Variants in PRPH2 observed in about 807,000 individuals in gnomAD.
PRPH2 encodes peripherin-2.
In PRPH2, 17 loss-of-function variants were observed where a neutral mutation model predicts 31.3. The observed-to-expected ratio is 0.54, with a 90% CI of 0.37 to 0.81. PRPH2 has a LOEUF of 0.81. Ranked by LOEUF, PRPH2 falls within the 40% of genes least tolerant of loss-of-function variation. The probability of loss-of-function intolerance (pLI) is 0.00; values close to 1 mark genes in which losing one functional copy is unlikely to be tolerated. For missense variants in PRPH2, 430 were observed against 439.7 expected, an observed-to-expected ratio of 0.98 and a Z score of 0.20; for synonymous variants, 165 against 184.4, an observed-to-expected ratio of 0.89 and a Z score of 0.85.
chr6:42,721,616 T>G (rs900932919), intron 1 of PRPH2, 138 bp downstream of exon 1: 10 of 1,009,926 alleles, frequency 9.9e-6, no homozygotes, highest in Non-Finnish European at 1.6e-5. Flanking sequence ...TGATACACCC[T>G]CACATACGCA....
chr6:42,721,854 T>G lies in PRPH2; in HGVS notation c.481A>C (p.Ile161Leu). 1 of 1,614,188 alleles carries G rather than the reference T, an allele frequency of 6.2e-7. No individual in the cohort carries two copies. Among genetic ancestry groups the G allele is most frequent in the Non-Finnish European group, 8.5e-7 (1 of 1,180,038 alleles). The change falls in exon 1 of 3, where the codon ATC becomes CTC. Residue 161 changes from isoleucine (I) to leucine (L), a missense_variant. Ile to Leu is a conservative substitution (Grantham distance 5, BLOSUM62 2). Coordinates refer to ENST00000230381, the MANE Select transcript of PRPH2 (RefSeq NM_000322.5). ...TTGTTGCCGCAGCATTTGAACTCGA[T>G]CTGCAGCATGTCGATGGTCTTCTTC... is the stretch of plus-strand genomic sequence containing the variant. The part of the protein sequence containing the change: ...FMKKTIDMLQ[I>L]EFKCCGNNGF...
At position 42,713,051 on chromosome 6, in the gene PRPH2, C is replaced by G. The variant is rs1329980186; in HGVS notation, c.582-8440G>C. Among the ~76,000 whole-genome samples the G allele has an allele frequency of 3.3e-5, 5 of 151,732 alleles. No individual in the cohort carries two copies. In the South Asian group the frequency reaches 1.0e-3, roughly 32 times the overall value. On this transcript the variant is annotated intron_variant, in intron 1 of 2. Coordinates refer to ENST00000230381, the MANE Select transcript of PRPH2 (RefSeq NM_000322.5). ...ACCAGCCTGGCCAACATGGTGAAAC[C>G]CTGTCTCTACTAAAAATATAAAAAT...
chr6:42,713,500 C>T (rs986381058), intron 1 of PRPH2, among the ~76,000 whole-genome samples: 3 of 152,166 alleles, frequency 2.0e-5, no homozygotes, highest in Non-Finnish European at 2.9e-5. Context: ...GGGGCCACCT[C>T]GTTATTATCT....
At chr6:42,721,704 G>A in intron 1 of PRPH2, 50 bp downstream of exon 1, 1 of 1,604,460 alleles carries the variant, frequency 6.2e-7, no homozygotes, top group Non-Finnish European at 8.5e-7. Context: ...CTGAGCCTCA[G>A]TGTCCCCAAT....
chr6:42,722,171 G>C lies in PRPH2; in HGVS notation c.164C>G (p.Ser55Cys). 6.2e-7 allele frequency: 1 copy of C among 1,614,142 alleles called. No homozygotes were observed. The highest frequency in any genetic ancestry group is 8.5e-7 in the Non-Finnish European group (1 of 1,180,022). The stretch of plus-strand genomic sequence containing the variant: ...TGAGTTGGGCACAAAATGGCTCTCA[G>C]AATTATTCATCACATCGCTCCTCTT... The part of the protein sequence containing the change: ...LRKRSDVMNN[S>C]ESHFVPNSLI... The change falls in exon 1 of 3, where the codon TCT becomes TGT. Residue 55 changes from serine (S) to cysteine (C), a missense_variant. Ser to Cys is a moderately radical substitution (Grantham distance 112). Coordinates refer to ENST00000230381, the MANE Select transcript of PRPH2 (RefSeq NM_000322.5). This position sits in a 1 kb window ranked among gnomAD's most constrained non-coding sequence, Gnocchi z 4.4.
At position 42,704,496 on chromosome 6, in the gene PRPH2, G is replaced by A; in HGVS notation, c.697C>T (p.His233Tyr). 1 of 1,614,182 alleles carries A rather than the reference G, an allele frequency of 6.2e-7. No individual in the cohort carries two copies. The highest frequency in any genetic ancestry group is 8.5e-7 in the Non-Finnish European group (1 of 1,180,032). ...IQYQITNNSA[H>Y]YSYDHQTEEL... ...TCCGTCTGGTGGTCGTAACTGTAGT[G>A]TGCTGAGTTGTTGGTGATCTGATAC... is the stretch of plus-strand genomic sequence containing the variant. The change falls in exon 2 of 3, where the codon CAC becomes TAC. Residue 233 changes from histidine (H) to tyrosine (Y), a missense_variant. Transcript: ENST00000230381.
chr6:42,713,094 G>A (rs1345720390), intron 1 of PRPH2, among the ~76,000 whole-genome samples: 1 of 151,788 alleles, frequency 6.6e-6, no homozygotes, highest in Non-Finnish European at 1.5e-5. Flanking sequence ...GTATGATGGT[G>A]GGCACCTGTA....
chr6:42,697,513 G>A lies in PRPH2; in HGVS notation c.*782C>T, dbSNP rs924352941. The A allele has an allele frequency of 6.6e-6, 1 of 152,400 alleles. No homozygotes were observed. Among genetic ancestry groups the A allele is most frequent in the Non-Finnish European group, 1.5e-5 (1 of 68,230 alleles). 9.4% of individuals were successfully genotyped at this position (152,400 alleles called of 1,614,324 possible). A position where few individuals can be genotyped will look rare whatever the true frequency, so the allele number is the denominator to read the frequency against. On this transcript the variant is annotated 3_prime_UTR_variant, in exon 3 of 3. Transcript: ENST00000230381. ...CTGCTTCCACCGATGAGCCACAGGA[G>A]ATCACCTGGCACTTTAGGGGTGGTG...
At chr6:42,699,900 A>AG (rs1192581086) in intron 2 of PRPH2, among the ~76,000 whole-genome samples, 1 of 152,054 alleles carries the variant, frequency 6.6e-6, no homozygotes, top group Non-Finnish European at 1.5e-5. Context: ...CCTAGTGCAC[A>AG]GTAAGGACCA....
At chr6:42,699,141 C>G (rs1280472675) in intron 2 of PRPH2, among the ~76,000 whole-genome samples, 1 of 151,042 alleles carries the variant, frequency 6.6e-6, no homozygotes, top group Non-Finnish European at 1.5e-5. Flanking sequence ...CAAACTCTAT[C>G]TCCTGTGTTC....
chr6:42,706,321 C>G (rs920830624), intron 1 of PRPH2, among the ~76,000 whole-genome samples: 5 of 151,842 alleles, frequency 3.3e-5, no homozygotes, highest in Non-Finnish European at 7.4e-5. Context: ...AGGAGAATGG[C>G]GTGAACCCAG....
intron 1 of PRPH2, among the ~76,000 whole-genome samples, chr6:42,718,203 C>T (rs906747371): frequency 2.0e-5 from 3 of 150,440 alleles, no homozygotes; most frequent in African/African-American, 4.9e-5. Flanking sequence ...CCCAGGTACT[C>T]GGGAGGCTGA....
chr6:42,715,036 C>T (rs1761748754), intron 1 of PRPH2, among the ~76,000 whole-genome samples: 1 of 151,826 alleles, frequency 6.6e-6, no homozygotes, highest in Admixed American at 6.6e-5. Flanking sequence ...TGGTGAAACC[C>T]CATCTTCACT....
At chr6:42,698,715 TCTC>T (rs371096327) in intron 2 of PRPH2, among the ~76,000 whole-genome samples, 174 of 152,092 alleles carry the variant, frequency 1.1e-3, no homozygotes, top group African/African-American at 4.0e-3. Context: ...GTCAGACCCC[TCTC>T]CTCCTCCCTT....
intron 1 of PRPH2, among the ~76,000 whole-genome samples, chr6:42,719,037 T>A (rs1474173652): frequency 6.6e-6 from 1 of 152,124 alleles, no homozygotes; most frequent in Non-Finnish European, 1.5e-5. Flanking sequence ...AAATTTAGCC[T>A]AAGGGAAATA....
chr6:42,710,712 C>T (rs1231890521), intron 1 of PRPH2, among the ~76,000 whole-genome samples: 2 of 152,158 alleles, frequency 1.3e-5, no homozygotes, highest in African/African-American at 2.4e-5. Flanking sequence ...AGGCCACTCT[C>T]CCATAAGCAA....
intron 2 of PRPH2, 91 bp downstream of exon 2, chr6:42,704,274 C>T (rs1800106139): frequency 1.6e-5 from 24 of 1,514,290 alleles, no homozygotes; most frequent in Admixed American, 1.2e-4. Context: ...AAGAGGGAGG[C>T]ATGCTCTCCA....
chr6:42,709,112 T>C (rs1800227035), intron 1 of PRPH2, among the ~76,000 whole-genome samples: 2 of 151,502 alleles, frequency 1.3e-5, no homozygotes, highest in East Asian at 1.9e-4. Context: ...GGGCAGATCA[T>C]GAGGTCAGGA....
chr6:42,717,995 G>A (rs1475802603), intron 1 of PRPH2, among the ~76,000 whole-genome samples: 5 of 151,900 alleles, frequency 3.3e-5, no homozygotes, highest in Admixed American at 1.3e-4. Flanking sequence ...GTGAAACCCC[G>A]TCTCTACTAA....
Sources: gnomAD v4.1 joint callset for allele counts (sites outside exome capture counted in the v4.1 genomes callset) on GRCh38, gnomAD v4.1.1 for gene constraint, Gnocchi (gnomAD v3.1) non-coding constraint, MANE v1.5 for transcripts, NCBI Gene and HGNC (gene_info 2026-07-23, HGNC 2026-07-21) for gene names.